The following CNTN1 variants were observed in gnomAD, a reference collection of about 807,000 sequenced individuals.
The protein encoded by CNTN1 is contactin 1, also known as contactin-1.
Under a neutral mutation model 126.4 loss-of-function variants are expected in CNTN1, and 38 were observed. The ratio of observed to expected loss-of-function variants is 0.30; its 90% confidence interval spans 0.23 to 0.39. CNTN1 has a LOEUF of 0.39. Among genes scored for constraint, CNTN1 ranks in the 10% least tolerant of loss-of-function variants. The pLI is 1.00. For missense variants in CNTN1, 1,009 were observed against 1,248.4 expected (o/e 0.81, Z 2.89); for synonymous variants, 413 against 422.6 (o/e 0.98, Z 0.28).
intron 1 of CNTN1, among the ~76,000 whole-genome samples, chr12:40,795,303 ACACACACACACACACAT>A (rs1446123358): frequency 0.067 from 1,060 of 15,710 alleles, 12 homozygotes; most frequent in African/African-American, 0.11. Flanking sequence ...ACACACACAC[ACACACACACACACACAT>A]TTTTTTTTTT....
intron 1 of CNTN1, among the ~76,000 whole-genome samples, chr12:40,779,747 C>A (rs1939720831): frequency 6.6e-6 from 1 of 151,848 alleles, no homozygotes; most frequent in Non-Finnish European, 1.5e-5. Context: ...GAAGTTAAAT[C>A]TATTTTTAAA....
intron 3 of CNTN1, among the ~76,000 whole-genome samples, chr12:40,912,847 C>A (rs1418909964): frequency 6.6e-6 from 1 of 152,058 alleles, no homozygotes; most frequent in Non-Finnish European, 1.5e-5. Context: ...ATCTATGGTC[C>A]CACATAGCCC....
At chr12:40,939,951 A>G (rs1346508302) in intron 12 of CNTN1, among the ~76,000 whole-genome samples, 1 of 152,192 alleles carries the variant, frequency 6.6e-6, no homozygotes, top group African/African-American at 2.4e-5. Flanking sequence ...TCTCAAAATG[A>G]ACAAGATGTT....
intron 15 of CNTN1, among the ~76,000 whole-genome samples, chr12:40,973,777 G>C (rs1043668384): frequency 6.6e-6 from 1 of 152,122 alleles, no homozygotes; most frequent in African/African-American, 2.4e-5. Flanking sequence ...GAGAGAGCAG[G>C]TTAGGGCTAC....
chr12:40,976,747 A>G (rs1947685539), intron 15 of CNTN1, among the ~76,000 whole-genome samples: 2 of 152,114 alleles, frequency 1.3e-5, no homozygotes, highest in Non-Finnish European at 1.5e-5. Flanking sequence ...ATCAGCCTAC[A>G]CTGCTTGAAA....
At chr12:40,886,397 T>A (rs1442537763) in intron 1 of CNTN1, among the ~76,000 whole-genome samples, 2 of 152,108 alleles carry the variant, frequency 1.3e-5, no homozygotes, top group East Asian at 3.8e-4. Flanking sequence ...TTATATAACC[T>A]TCATTAGATT....
At chr12:40,726,947 ATAAAAT>A (rs1229371175) in intron 1 of CNTN1, among the ~76,000 whole-genome samples, 3 of 150,536 alleles carry the variant, frequency 2.0e-5, no homozygotes, top group African/African-American at 7.3e-5. Flanking sequence ...AAAAATCTAA[ATAAAAT>A]TAAATAAAAA....
At chr12:40,984,504 C>T (rs968589389) in intron 16 of CNTN1, among the ~76,000 whole-genome samples, 1 of 152,130 alleles carries the variant, frequency 6.6e-6, no homozygotes, top group Non-Finnish European at 1.5e-5. Context: ...GAGGGAGCAA[C>T]AAAGAGAGAA....
In CNTN1 at chr12:40,936,853, T is replaced by G; in HGVS notation, c.1058T>G (p.Val353Gly). ...DIGSDLYWPCVATGKPIPTIR... is the reference protein window; with the variant it reads ...DIGSDLYWPCGATGKPIPTIR... ...GGCAGTGATCTCTACTGGCCTTGTGTGGCCACAGGAAAGCCCATCCCTACA... is the reference window on the plus strand; with the variant it reads ...GGCAGTGATCTCTACTGGCCTTGTGGGGCCACAGGAAAGCCCATCCCTACA... The change falls in exon 10 of 24, where the codon GTG (valine) becomes GGG (glycine). Residue 353 changes from valine (V) to glycine (G), a missense_variant. Transcript: ENST00000551295. The G allele has an allele frequency of 6.2e-7, 1 of 1,613,378 alleles. No homozygotes were observed. The highest frequency in any genetic ancestry group is 8.5e-7 in the Non-Finnish European group (1 of 1,179,454).
intron 12 of CNTN1, among the ~76,000 whole-genome samples, chr12:40,939,717 C>T (rs112552382): frequency 2.5e-4 from 38 of 151,990 alleles, no homozygotes; most frequent in African/African-American, 8.2e-4. Context: ...AAAATTGAAG[C>T]TCAGAGGTGT....
At chr12:40,948,869 A>G (rs1285806665) in intron 14 of CNTN1, among the ~76,000 whole-genome samples, 2 of 152,190 alleles carry the variant, frequency 1.3e-5, no homozygotes, top group African/African-American at 4.8e-5. Context: ...AGTCATGTCT[A>G]CACAGTTTCA....
chr12:40,705,995 A>T (rs1283445382), intron 1 of CNTN1, among the ~76,000 whole-genome samples: 1 of 152,014 alleles, frequency 6.6e-6, no homozygotes, highest in East Asian at 1.9e-4. Flanking sequence ...CTACCCCAGG[A>T]TCCAATCATC....
At chr12:40,828,646 G>A (rs570032599) in intron 1 of CNTN1, among the ~76,000 whole-genome samples, 1 of 152,142 alleles carries the variant, frequency 6.6e-6, no homozygotes, top group African/African-American at 2.4e-5. Flanking sequence ...CATCGCGTTG[G>A]CTCAGATTAT....
At position 40,939,300 on chromosome 12, in the gene CNTN1, A is replaced by C. The variant is rs373210612; in HGVS notation, c.1229-35A>C. ...GAAGCAATGTTTAGGCTTTACAAAC[A>C]GAAAGAGAAAGATAACAATTTGTTT... is the stretch of plus-strand genomic sequence containing the variant. On this transcript the variant is annotated intron_variant, in intron 11 of 23. Coordinates refer to ENST00000551295, the MANE Select transcript of CNTN1 (RefSeq NM_001843.4). 3.1e-6 allele frequency: 5 copies of C among 1,610,278 alleles called. No homozygotes were observed. In the African/African-American group the frequency reaches 4.0e-5, roughly 13 times the overall value.
At chr12:41,031,138 TCAGCAAGAGATGATGTA>T in intron 23 of CNTN1, among the ~76,000 whole-genome samples, 1 of 152,308 alleles carries the variant, frequency 6.6e-6, no homozygotes, top group African/African-American at 2.4e-5. Flanking sequence ...CTAGAGGTTT[TCAGCAAGAGATGATGTA>T]GCAGTGATGG....
At chr12:40,761,323 G>A (rs894685982) in intron 1 of CNTN1, among the ~76,000 whole-genome samples, 2 of 151,974 alleles carry the variant, frequency 1.3e-5, no homozygotes, top group Non-Finnish European at 2.9e-5. Flanking sequence ...AAATAGTAGT[G>A]GGTATCTTTT....
intron 1 of CNTN1, among the ~76,000 whole-genome samples, chr12:40,804,763 C>A (rs1592105320): frequency 6.6e-6 from 1 of 152,032 alleles, no homozygotes; most frequent in East Asian, 1.9e-4. Flanking sequence ...GGCCAAATTT[C>A]TCTCCAGCAT....
chr12:40,780,900 G>C (rs1279725315), intron 1 of CNTN1, among the ~76,000 whole-genome samples: 1 of 143,238 alleles, frequency 7.0e-6, no homozygotes, highest in African/African-American at 2.5e-5. Context: ...AAAGAATTTT[G>C]TGCAAAAATG....
chr12:40,787,041 G>T (rs1217860977), intron 1 of CNTN1, among the ~76,000 whole-genome samples: 1 of 151,818 alleles, frequency 6.6e-6, no homozygotes, highest in Non-Finnish European at 1.5e-5. Flanking sequence ...GTTCGTTATA[G>T]GCCAAGATTT....
Sources: allele counts gnomAD v4.1 joint callset (sites outside exome capture counted in the v4.1 genomes callset), GRCh38; gene constraint gnomAD v4.1.1; transcripts MANE v1.5; gene names NCBI Gene and HGNC (gene_info 2026-07-23, HGNC 2026-07-21).